Variants in HLCS observed in about 807,000 individuals in gnomAD.
The protein encoded by HLCS is holocarboxylase synthetase, also known as biotin--protein ligase.
Under a neutral mutation model 75.0 loss-of-function variants are expected in HLCS, and 53 were observed. That is an observed-to-expected ratio of 0.71 (90% confidence interval 0.57 to 0.89). The LOEUF (loss-of-function observed/expected upper bound fraction) is 0.89. HLCS is among the 40% of genes least tolerant of loss of function. The pLI is 0.00. For synonymous variants in HLCS, 431 were observed against 428.6 expected (o/e 1.01, Z -0.07); for missense variants, 966 against 1,074.0 (o/e 0.90, Z 1.41).
At chr21:36,966,369 G>T in intron 1 of HLCS, 75 bp downstream of exon 1, 1 of 668,574 alleles carries the variant, frequency 1.5e-6, no homozygotes, top group Non-Finnish European at 1.9e-6. Flanking sequence ...CGGGCTCCCG[G>T]CGGGGACGAG....
At chr21:36,923,381 G>A (rs1018223150) in intron 5 of HLCS, among the ~76,000 whole-genome samples, 5 of 152,168 alleles carry the variant, frequency 3.3e-5, no homozygotes, top group Admixed American at 6.5e-5. Flanking sequence ...CTGCATAAAC[G>A]GTGGATATAA....
In HLCS at chr21:36,833,217, G is replaced by A. The variant is rs1236433357; in HGVS notation, c.1892+63643C>T. The stretch of plus-strand genomic sequence containing the variant: ...TTTTTTTTTTAATTTTAGTAGAGAT[G>A]AGGTCTCACTTTGTTGCCCAGGCTG... On this transcript the variant is annotated intron_variant, in intron 6 of 10. Coordinates refer to ENST00000674895, the MANE Select transcript of HLCS (RefSeq NM_001352514.2). 2.6e-5 allele frequency among the ~76,000 whole-genome samples: 4 copies of A among 150,990 alleles called. No individual in the cohort carries two copies. The East Asian group carries it at 8.0e-4, about 30-fold the overall frequency.
At chr21:36,868,035 C>T (rs149826374) in intron 6 of HLCS, among the ~76,000 whole-genome samples, 1 of 152,058 alleles carries the variant, frequency 6.6e-6, no homozygotes, top group Non-Finnish European at 1.5e-5. Context: ...GCCTGTAATC[C>T]CAGCTACTTG....
chr21:36,756,032 C>T (rs893737395), intron 10 of HLCS, among the ~76,000 whole-genome samples: 3 of 152,150 alleles, frequency 2.0e-5, no homozygotes, highest in African/African-American at 4.8e-5. Flanking sequence ...ATAAGATGCC[C>T]GTTTGCTCCA....
At chr21:36,920,211 G>A (rs2066102759) in intron 5 of HLCS, among the ~76,000 whole-genome samples, 1 of 151,984 alleles carries the variant, frequency 6.6e-6, no homozygotes, top group Non-Finnish European at 1.5e-5. Context: ...ATATGTGCCT[G>A]TAGTCCCCGC....
chr21:36,934,339 G>C (rs1207097247), intron 4 of HLCS, among the ~76,000 whole-genome samples: 1 of 152,212 alleles, frequency 6.6e-6, no homozygotes, highest in Non-Finnish European at 1.5e-5. Context: ...AAATGCACAA[G>C]ACTGTTGTTG....
intron 7 of HLCS, 54 bp from the exon 8 acceptor site, chr21:36,765,226 A>C: frequency 6.4e-7 from 1 of 1,554,172 alleles, no homozygotes; most frequent in Non-Finnish European, 8.9e-7. Context: ...GGACAGACGC[A>C]GACACACGTC....
chr21:36,777,697 A>G (rs2060403924), intron 6 of HLCS, among the ~76,000 whole-genome samples: 1 of 152,168 alleles, frequency 6.6e-6, no homozygotes. Context: ...TACCCCCGTT[A>G]TAAGACTCAG....
At chr21:36,803,355 C>G (rs577109812) in intron 6 of HLCS, among the ~76,000 whole-genome samples, 1 of 152,238 alleles carries the variant, frequency 6.6e-6, no homozygotes, top group South Asian at 2.1e-4. Flanking sequence ...CGATGTTCAG[C>G]ATGGAATAGA....
chr21:36,752,652 T>C lies in HLCS; in HGVS notation c.*1594A>G, dbSNP rs776064678. Reference sequence around the variant, plus strand: ...AGTGGTTTTTTTTGTGTTTTTTGTTTGTTTGTTTTTTGAGAAAAATAATTC... The same window carrying C: ...AGTGGTTTTTTTTGTGTTTTTTGTTCGTTTGTTTTTTGAGAAAAATAATTC... On this transcript the variant is annotated 3_prime_UTR_variant, in exon 11 of 11. Coordinates refer to ENST00000674895, the MANE Select transcript of HLCS (RefSeq NM_001352514.2). 1.3e-4 allele frequency: 20 copies of C among 152,650 alleles called. No homozygotes were observed. The highest frequency in any genetic ancestry group is 2.8e-4 in the Non-Finnish European group (19 of 68,048). 9.5% of individuals were successfully genotyped at this position (152,650 alleles called of 1,614,324 possible). A position where few individuals can be genotyped will look rare whatever the true frequency, so the allele number is the denominator to read the frequency against.
rs1569124029 is a variant in HLCS, at chr21:36,869,102, ATTTATTT to A, written c.1892+27751_1892+27757del. 4.4e-3 allele frequency among the ~76,000 whole-genome samples: 439 copies of A among 100,010 alleles called. 5 individuals carry two copies. In the East Asian group the frequency reaches 0.051, roughly 12 times the overall value. The allele number at this position is 100,010 out of a possible 152,430, so 65.6% of individuals were successfully genotyped here. ...GCATTAAGCAAAAGATGTTTAATTT[ATTTATTT>A]ATTTATTTATTTATTTATTTATTTA... On this transcript the variant is annotated intron_variant, in intron 6 of 10. Transcript: ENST00000674895.
intron 6 of HLCS, among the ~76,000 whole-genome samples, chr21:36,784,383 T>C (rs1460989893): frequency 6.7e-6 from 1 of 148,522 alleles, no homozygotes; most frequent in Non-Finnish European, 1.5e-5. Context: ...CGGCACTATC[T>C]CAGCTCACTG....
chr21:36,829,978 C>T (rs1181885917), intron 6 of HLCS, among the ~76,000 whole-genome samples: 1 of 152,202 alleles, frequency 6.6e-6, no homozygotes, highest in East Asian at 1.9e-4. Context: ...ACCTCAGCAC[C>T]TCAAAATGGA....
chr21:36,845,991 CCT>C (rs778027538), intron 6 of HLCS, among the ~76,000 whole-genome samples: 4 of 152,242 alleles, frequency 2.6e-5, no homozygotes, highest in East Asian at 3.9e-4. Flanking sequence ...GACCTCGAAG[CCT>C]CTGTTTCCTC....
chr21:36,942,277 A>T (rs2067178503), intron 2 of HLCS, among the ~76,000 whole-genome samples: 1 of 152,000 alleles, frequency 6.6e-6, no homozygotes, highest in African/African-American at 2.4e-5. Flanking sequence ...CTTTTAGAAA[A>T]AGGAGAAACT....
chr21:36,914,041 G>A (rs113514882), intron 5 of HLCS, among the ~76,000 whole-genome samples: 60 of 152,302 alleles, frequency 3.9e-4, no homozygotes, highest in Admixed American at 1.5e-3. Flanking sequence ...AGCAAGAGGG[G>A]GAGCTGCTAA....
intron 2 of HLCS, among the ~76,000 whole-genome samples, chr21:36,946,672 A>G (rs560229904): frequency 6.6e-6 from 1 of 152,332 alleles, no homozygotes; most frequent in East Asian, 1.9e-4. Context: ...AGGGGAAAAG[A>G]ATAAACGCAG....
intron 1 of HLCS, among the ~76,000 whole-genome samples, chr21:36,984,245 C>A (rs1373227817): frequency 1.3e-5 from 2 of 151,926 alleles, no homozygotes; most frequent in African/African-American, 4.8e-5. Context: ...TGTTCCAAGA[C>A]CCCCAGTGGA....
chr21:36,880,506 A>G (rs1317482331), intron 6 of HLCS, among the ~76,000 whole-genome samples: 1 of 152,212 alleles, frequency 6.6e-6, no homozygotes, highest in Non-Finnish European at 1.5e-5. Context: ...CAAAAAAAAA[A>G]ATCATATTAC....
Sources: allele counts gnomAD v4.1 joint callset (sites outside exome capture counted in the v4.1 genomes callset), GRCh38; gene constraint gnomAD v4.1.1; transcripts MANE v1.5; gene names NCBI Gene and HGNC (gene_info 2026-07-23, HGNC 2026-07-21).